The following TENM1 variants were observed in gnomAD, a reference collection of about 807,000 sequenced individuals.
The protein encoded by TENM1 is teneurin transmembrane protein 1.
In TENM1, 35 loss-of-function variants were observed where a neutral mutation model predicts 174.8. The observed-to-expected ratio is 0.20, with a 90% CI of 0.15 to 0.27. The LOEUF (loss-of-function observed/expected upper bound fraction) is 0.27. Ranked by LOEUF, TENM1 falls within the 10% of genes least tolerant of loss-of-function variation. The pLI is 1.00. For synonymous variants in TENM1, 781 were observed against 798.7 expected, an observed-to-expected ratio of 0.98 and a Z score of 0.37; for missense variants, 1,633 against 2,130.1, an observed-to-expected ratio of 0.77 and a Z score of 4.59.
At chrX:124,572,609 A>C (rs1329999780) in intron 11 of TENM1, among the ~76,000 whole-genome samples, 1 of 111,538 alleles carries the variant, frequency 9.0e-6, no homozygotes, top group Non-Finnish European at 1.9e-5. Context: ...CAAAGACATA[A>C]AAAATTGGAA....
the TENM1 span, among the ~76,000 whole-genome samples, chrX:125,196,938 G>A: frequency 1.8e-5 from 2 of 111,149 alleles, no homozygotes; most frequent in Non-Finnish European, 3.8e-5. Context: ...TCTGTATGCA[G>A]CTGGGGCATA....
At chrX:124,984,280 C>G in the TENM1 span, among the ~76,000 whole-genome samples, 1 of 111,977 alleles carries the variant, frequency 8.9e-6, no homozygotes, top group African/African-American at 3.2e-5. Context: ...GTTACTTGAT[C>G]TGTCTACATC....
intron 3 of TENM1, among the ~76,000 whole-genome samples, chrX:124,787,191 A>G (rs1261701493): frequency 1.8e-5 from 2 of 111,846 alleles, no homozygotes; most frequent in Admixed American, 1.9e-4. Flanking sequence ...ATTAATTGGA[A>G]CTGATTTGAG....
chrX:125,204,135 G>A, the TENM1 span: 2 of 112,457 alleles, frequency 1.8e-5, no homozygotes, highest in Non-Finnish European at 3.7e-5. Flanking sequence ...GAATACGTGT[G>A]TGTGTGTGAG....
chrX:124,429,258 T>C (rs1026411925), intron 23 of TENM1, among the ~76,000 whole-genome samples: 5 of 111,959 alleles, frequency 4.5e-5, no homozygotes, highest in African/African-American at 6.5e-5. Context: ...AGGTCAAGAC[T>C]TTTTATGAGT....
At chrX:124,451,384 G>C (rs748804114) in intron 23 of TENM1, among the ~76,000 whole-genome samples, 1 of 111,376 alleles carries the variant, frequency 9.0e-6, no homozygotes, top group Admixed American at 9.6e-5. Context: ...CCTAGAAATA[G>C]CTATTTATAT....
the TENM1 span, among the ~76,000 whole-genome samples, chrX:125,101,377 T>C: frequency 6.3e-5 from 7 of 111,907 alleles, no homozygotes; most frequent in East Asian, 1.7e-3. Flanking sequence ...CAGAAGACCA[T>C]AAAATACTTT....
At chrX:124,473,526 G>A (rs2061357477) in intron 22 of TENM1, among the ~76,000 whole-genome samples, 1 of 111,465 alleles carries the variant, frequency 9.0e-6, no homozygotes, top group Non-Finnish European at 1.9e-5. Context: ...TTGCATGTAG[G>A]CGTCCAAGTT....
intron 19 of TENM1, among the ~76,000 whole-genome samples, 159 bp from the exon 23 acceptor site, chrX:124,497,424 T>C (rs948926306): frequency 9.0e-6 from 1 of 111,562 alleles, no homozygotes; most frequent in African/African-American, 3.2e-5. Flanking sequence ...CTCGGTTTTG[T>C]TTAACTGCAT....
chrX:124,657,338 C>A (rs1288827968), intron 6 of TENM1, among the ~76,000 whole-genome samples: 2 of 111,186 alleles, frequency 1.8e-5, no homozygotes, highest in Non-Finnish European at 3.8e-5. Context: ...GCAACACAGG[C>A]ATCAACTGCT....
chrX:125,160,517 C>T, the TENM1 span, among the ~76,000 whole-genome samples: 1 of 84,933 alleles, frequency 1.2e-5, no homozygotes, highest in Non-Finnish European at 2.2e-5. Flanking sequence ...TGCACTCTAG[C>T]CTGGGCGACA....
chrX:125,189,801 T>C, the TENM1 span, among the ~76,000 whole-genome samples: 6 of 112,488 alleles, frequency 5.3e-5, no homozygotes, highest in African/African-American at 1.6e-4. Flanking sequence ...TGAATATGCA[T>C]ACATGTGTAT....
exon 17 of TENM1, chrX:124,523,547 T>A (rs1313342099): frequency 2.5e-6 from 3 of 1,209,355 alleles, no homozygotes; most frequent in Admixed American, 2.2e-5. Context: ...GCAACCAGAG[T>A]GTTCTCTTCT....
chrX:124,617,757 C>T lies in TENM1; in HGVS notation c.2077+24034G>A, dbSNP rs190592916. Among the ~76,000 whole-genome samples the T allele has an allele frequency of 4.6e-3, 510 of 110,791 alleles. 5 individuals are homozygous for T. The highest frequency in any genetic ancestry group is 0.016 in the African/African-American group (478 of 30,546). ...AATGCTGTTTCTTTTTTGTTTTTTT[C>T]CCAGAAAGGAAACTAGTTCACCAGT... On this transcript the variant is annotated intron_variant, in intron 11 of 31. Transcript: ENST00000422452.
At chrX:124,913,641 C>G (rs779179037) in intron 1 of TENM1, among the ~76,000 whole-genome samples, 11 of 111,748 alleles carry the variant, frequency 9.8e-5, no homozygotes, top group African/African-American at 3.6e-4. Flanking sequence ...GTGGAATATT[C>G]TATAAAACCA....
the TENM1 span, among the ~76,000 whole-genome samples, chrX:125,019,010 G>A: frequency 8.9e-6 from 1 of 111,898 alleles, no homozygotes; most frequent in African/African-American, 3.2e-5. Context: ...TACTGAAAAT[G>A]TTTTACATCT....
chrX:124,637,093 C>CTT (rs747497256), intron 11 of TENM1, among the ~76,000 whole-genome samples: 3 of 102,024 alleles, frequency 2.9e-5, no homozygotes, highest in African/African-American at 7.1e-5. Flanking sequence ...TTCTTTCTTT[C>CTT]TTTTTTTTTT....
intron 3 of TENM1, among the ~76,000 whole-genome samples, chrX:124,754,155 C>G (rs761459947): frequency 9.0e-6 from 1 of 111,554 alleles, no homozygotes; most frequent in African/African-American, 3.3e-5. Flanking sequence ...ATTATTGCCA[C>G]AATTTCAGAG....
intron 18 of TENM1, among the ~76,000 whole-genome samples, chrX:124,510,793 C>CACACACACACACACAT (rs59451235): frequency 9.0e-6 from 1 of 111,644 alleles, no homozygotes; most frequent in East Asian, 2.8e-4. Context: ...CACACACACA[C>CACACACACACACACAT]TTGAAGTTTT....
Sources: allele counts gnomAD v4.1 joint callset (sites outside exome capture counted in the v4.1 genomes callset), GRCh38; gene constraint gnomAD v4.1.1; transcripts MANE v1.5; gene names NCBI Gene and HGNC (gene_info 2026-07-23, HGNC 2026-07-21).